Variants in NYAP2 observed in about 807,000 individuals in gnomAD.
NYAP2 encodes neuronal tyrosine-phosphorylated phosphoinositide-3-kinase adapter 2.
In NYAP2, 23 loss-of-function variants were observed where a neutral mutation model predicts 50.4. The ratio of observed to expected loss-of-function variants is 0.46; its 90% CI spans 0.33 to 0.65. The LOEUF (loss-of-function observed/expected upper bound fraction) is 0.65. Among genes scored for constraint, NYAP2 ranks in the 30% least tolerant of loss-of-function variants. The pLI is 0.02. For missense variants in NYAP2, 885 were observed against 861.0 expected (o/e 1.03, Z -0.35); for synonymous variants, 394 against 365.2 (o/e 1.08, Z -0.90).
In NYAP2 at chr2:225,582,085, C is replaced by A. The variant is rs758831206; in HGVS notation, c.668C>A (p.Pro223Gln). ...CATGGGCCCCGGAGGACGTCGCTGCCGCGGGACTCCTCCTTGTCCCAGATG... is the reference window on the plus strand; with the variant it reads ...CATGGGCCCCGGAGGACGTCGCTGCAGCGGGACTCCTCCTTGTCCCAGATG... Residue 223 changes from proline to glutamine, a missense_variant, in exon 5 of 7, where the codon CCG (proline) becomes CAG (glutamine). Transcript: ENST00000636099. This position sits in a 1 kb window ranked among gnomAD's most constrained non-coding sequence, Gnocchi z 7.0. 2.5e-6 allele frequency: 4 copies of A among 1,614,020 alleles called. No individual in the cohort carries two copies. Among genetic ancestry groups the A allele is most frequent in the Non-Finnish European group, 1.7e-6 (2 of 1,179,890 alleles).
chr2:225,462,486 G>A (rs1031859305), intron 3 of NYAP2, among the ~76,000 whole-genome samples: 2 of 151,968 alleles, frequency 1.3e-5, no homozygotes, highest in African/African-American at 4.8e-5. Context: ...AGACTAGAAG[G>A]CTCCAGTTTC....
intron 4 of NYAP2, among the ~76,000 whole-genome samples, chr2:225,529,422 G>A (rs1691212237): frequency 6.6e-6 from 1 of 151,802 alleles, no homozygotes; most frequent in African/African-American, 2.4e-5. Context: ...TGCCTCCCAG[G>A]TTGAAGCCAT....
chr2:225,608,815 A>T (rs1160869678), intron 5 of NYAP2, among the ~76,000 whole-genome samples: 1 of 152,100 alleles, frequency 6.6e-6, no homozygotes. Context: ...CATACATGTG[A>T]ATAAATGTGA....
chr2:225,599,284 T>C (rs1443945369), intron 5 of NYAP2, among the ~76,000 whole-genome samples: 1 of 152,146 alleles, frequency 6.6e-6, no homozygotes, highest in African/African-American at 2.4e-5. Context: ...TAAAAAGCAC[T>C]CACTTGCATT....
At chr2:225,589,288 A>G (rs1002699488) in intron 5 of NYAP2, among the ~76,000 whole-genome samples, 1 of 150,620 alleles carries the variant, frequency 6.6e-6, no homozygotes, top group African/African-American at 2.4e-5. Context: ...TCAACTTCCC[A>G]AAAAAATAAG....
intron 4 of NYAP2, among the ~76,000 whole-genome samples, chr2:225,538,477 A>C (rs7568551): frequency 0.24 from 36,803 of 152,176 alleles, 4,635 homozygotes; most frequent in African/African-American, 0.33. Flanking sequence ...GAAGCCATGG[A>C]CTGAGCTCTA....
At chr2:225,589,609 CAGTTGAGTCTGGG>C (rs920083081) in intron 5 of NYAP2, among the ~76,000 whole-genome samples, 13 of 148,268 alleles carry the variant, frequency 8.8e-5, no homozygotes, top group African/African-American at 1.2e-4. Flanking sequence ...GCAGGAGGAT[CAGTTGAGTCTGGG>C]AGTTTGAGTT....
chr2:225,453,879 G>A (rs182614522), intron 3 of NYAP2, among the ~76,000 whole-genome samples: 259 of 141,950 alleles, frequency 1.8e-3, no homozygotes, highest in African/African-American at 6.4e-3. Flanking sequence ...ATTTCACCAC[G>A]TTGGCCAGGC....
At chr2:225,410,300 A>G (rs1019086497) in intron 3 of NYAP2, among the ~76,000 whole-genome samples, 44 of 152,254 alleles carry the variant, frequency 2.9e-4, no homozygotes, top group African/African-American at 1.1e-3. Context: ...CAACATTTTC[A>G]CAATTGCATG....
intron 3 of NYAP2, among the ~76,000 whole-genome samples, chr2:225,502,780 A>G (rs1690629831): frequency 6.6e-6 from 1 of 152,124 alleles, no homozygotes; most frequent in Non-Finnish European, 1.5e-5. Flanking sequence ...GTTCCATTGC[A>G]CCTGCCTTAT....
intron 4 of NYAP2, among the ~76,000 whole-genome samples, chr2:225,516,310 C>T (rs1471436662): frequency 1.3e-5 from 2 of 152,180 alleles, no homozygotes; most frequent in Admixed American, 6.5e-5. Flanking sequence ...TTTATTTCTT[C>T]TGAAGACAAA....
At chr2:225,501,595 T>C (rs1453964666) in intron 3 of NYAP2, among the ~76,000 whole-genome samples, 1 of 152,216 alleles carries the variant, frequency 6.6e-6, no homozygotes, top group Non-Finnish European at 1.5e-5. Context: ...TTGGGATATC[T>C]GAAAACAGCA....
rs73090850 is a variant in NYAP2 at position 225,614,040 on chromosome 2, T to C, written c.1619-12877T>C. Among the ~76,000 whole-genome samples the C allele has an allele frequency of 9.3e-3, 1,420 of 152,302 alleles. 26 individuals are homozygous for C. The highest frequency in any genetic ancestry group is 0.033 in the African/African-American group (1,360 of 41,560). ...ACAAGTTTAGACATAGGAAAATTCT[T>C]ACAGTTTGTTTCAAATCCACGATTG... On this transcript the variant is annotated intron_variant, in intron 5 of 6. Transcript: ENST00000636099.
At position 225,651,423 on chromosome 2, in the gene NYAP2, T is replaced by C. The variant is rs1358669119; in HGVS notation, c.1829-9T>C. ...AGCTAATATTGTGTCTTTTTCCGCTTGTTTCCAGAGCCTAAAGTAAGCTGC... is the reference window on the plus strand; with the variant it reads ...AGCTAATATTGTGTCTTTTTCCGCTCGTTTCCAGAGCCTAAAGTAAGCTGC... On this transcript the variant is annotated splice_polypyrimidine_tract_variant and intron_variant, in intron 6 of 6. Coordinates refer to ENST00000636099, the Ensembl canonical transcript of NYAP2. The C allele has an allele frequency of 1.2e-6, 2 of 1,613,882 alleles. No individual in the cohort carries two copies. The highest frequency in any genetic ancestry group is 8.5e-7 in the Non-Finnish European group (1 of 1,179,862).
intron 5 of NYAP2, among the ~76,000 whole-genome samples, chr2:225,613,673 C>T (rs772082624): frequency 2.6e-5 from 4 of 152,134 alleles, no homozygotes; most frequent in Non-Finnish European, 5.9e-5. Flanking sequence ...TATAAGACAT[C>T]ATGTAGAAGA....
intron 6 of NYAP2, among the ~76,000 whole-genome samples, chr2:225,632,396 T>C (rs1384888201): frequency 6.6e-6 from 1 of 152,170 alleles, no homozygotes; most frequent in Admixed American, 6.5e-5. Context: ...TCTATTTCTC[T>C]CTGTCCCCCC....
intron 4 of NYAP2, among the ~76,000 whole-genome samples, chr2:225,577,570 C>T (rs750155926): frequency 9.4e-4 from 143 of 152,098 alleles, no homozygotes; most frequent in Non-Finnish European, 1.2e-3. Flanking sequence ...AAACAGCACC[C>T]ATGATAGTGG....
At chr2:225,621,132 AAT>A (rs1693097796) in intron 5 of NYAP2, among the ~76,000 whole-genome samples, 1 of 145,012 alleles carries the variant, frequency 6.9e-6, no homozygotes, top group Non-Finnish European at 1.5e-5. Context: ...AAAAAAAAAA[AAT>A]CTAGAAGAGA....
chr2:225,562,316 C>T (rs1691889693), intron 4 of NYAP2, among the ~76,000 whole-genome samples: 3 of 152,060 alleles, frequency 2.0e-5, no homozygotes, highest in Admixed American at 6.6e-5. Flanking sequence ...TTCTAGAAAT[C>T]CAGGGCATGT....
Sources: allele counts gnomAD v4.1 joint callset (sites outside exome capture counted in the v4.1 genomes callset), GRCh38; gene constraint gnomAD v4.1.1; non-coding constraint Gnocchi (gnomAD v3.1); transcripts MANE v1.5; gene names NCBI Gene and HGNC (gene_info 2026-07-23, HGNC 2026-07-21).